The following VARS1 variants were observed in gnomAD, a reference collection of about 807,000 sequenced individuals.
VARS1 encodes the protein valyl-tRNA synthetase 1.
A neutral mutation model predicts 161.0 loss-of-function variants in VARS1; 92 were observed. The ratio of observed to expected loss-of-function variants is 0.57; its 90% CI spans 0.48 to 0.68. The LOEUF is 0.68. Among genes scored for constraint, VARS1 ranks in the 30% least tolerant of loss-of-function variants. VARS1 has a pLI of 0.00. For missense variants in VARS1, 1,338 were observed against 1,695.9 expected, an observed-to-expected ratio of 0.79 and a Z score of 3.71; for synonymous variants, 595 against 682.5, an observed-to-expected ratio of 0.87 and a Z score of 2.00.
At chr6:31,792,964 T>G in intron 3 of VARS1, 22 bp downstream of exon 3, 1 of 1,614,050 alleles carries the variant, frequency 6.2e-7, no homozygotes, top group Non-Finnish European at 8.5e-7. Context: ...AGTCTTGTTC[T>G]TCCCCAGGCC....
In VARS1 at chr6:31,781,350, C is replaced by T. The variant is rs1813129637; in HGVS notation, c.2544+131G>A. ...AGCAGGGCCCAGGCTGGATTTCAAC[C>T]CCACACCAGCCCCCGGGTCAGGCCT... On this transcript the variant is annotated intron_variant, in intron 21 of 29. Transcript: ENST00000375663. This position sits in a 1 kb window ranked among gnomAD's most constrained non-coding sequence, Gnocchi z 6.8. 7.1e-7 allele frequency: 1 copy of T among 1,417,536 alleles called. No homozygotes were observed. Among genetic ancestry groups the T allele is most frequent in the South Asian group, 1.4e-5 (1 of 73,046 alleles). 87.8% of individuals were successfully genotyped at this position (1,417,536 alleles called of 1,614,324 possible). A position where few individuals can be genotyped will look rare whatever the true frequency, so the allele number is the denominator to read the frequency against.
At position 31,782,133 on chromosome 6, in the gene VARS1, G is replaced by T. The variant is rs573053563; in HGVS notation, c.2195C>A (p.Pro732Gln). Residue 732 changes from proline to glutamine, a missense_variant, in exon 18 of 30, where the codon CCA becomes CAA. Pro to Gln is a moderately conservative substitution (Grantham distance 76). Coordinates refer to ENST00000375663, the MANE Select transcript of VARS1 (RefSeq NM_006295.3). This position sits in a 1 kb window ranked among gnomAD's most constrained non-coding sequence, Gnocchi z 8.3. ...GTCACTGACAGTGACAAAGTAGGCTGGGATGCGATGGCCCCACCACAGCTG... is the reference window on the plus strand; with the variant it reads ...GTCACTGACAGTGACAAAGTAGGCTTGGATGCGATGGCCCCACCACAGCTG... ...SRQLWWGHRI[P>Q]AYFVTVSDPA... 1 of 1,613,994 alleles carries T rather than the reference G, an allele frequency of 6.2e-7. No homozygotes were observed. Among genetic ancestry groups the T allele is most frequent in the South Asian group, 1.1e-5 (1 of 91,082 alleles).
chr6:31,779,732 A>G lies in VARS1; in HGVS notation c.3164T>C (p.Val1055Ala). Residue 1055 changes from valine to alanine, a missense_variant, in exon 27 of 30, where the codon GTT (valine) becomes GCT (alanine). By Grantham distance (64) the Val-to-Ala change is moderately conservative. Around this residue, in one of 3 missense-constraint regions of VARS1, gnomAD observed 433 missense variants for 586.2 expected, o/e 0.74. Transcript: ENST00000375663. The surrounding 1 kb of genome is among the most constrained non-coding windows in gnomAD (Gnocchi z 9.1). The stretch of plus-strand genomic sequence containing the variant: ...GAAGGGTGAGAGCAGCCGCAGGCCA[A>G]CGTCCAGGCAAGTGTACAGGGTCTG... The part of the protein sequence containing the change: ...ARQTLYTCLD[V>A]GLRLLSPFMP... The G allele has an allele frequency of 1.2e-6, 2 of 1,613,026 alleles. No individual in the cohort carries two copies. The highest frequency in any genetic ancestry group is 1.7e-6 in the Non-Finnish European group (2 of 1,180,008).
At position 31,791,507 on chromosome 6, in the gene VARS1, T is replaced by C. The variant is rs1323884433; in HGVS notation, c.1100+103A>G. On this transcript the variant is annotated intron_variant, in intron 8 of 29. Coordinates refer to ENST00000375663, the MANE Select transcript of VARS1 (RefSeq NM_006295.3). The surrounding 1 kb of genome is among the most constrained non-coding windows in gnomAD (Gnocchi z 5.0). ...AGTGTAGCACCACTGGGGGCAGAAGTGAGCACCAACCCAGAAGGAGAGAGG... is the reference window on the plus strand; with the variant it reads ...AGTGTAGCACCACTGGGGGCAGAAGCGAGCACCAACCCAGAAGGAGAGAGG... The C allele has an allele frequency of 1.2e-5, 18 of 1,469,800 alleles. No homozygotes were observed. The highest frequency in any genetic ancestry group is 2.5e-5 in the Admixed American group (1 of 40,254). The allele number at this position is 1,469,800 out of a possible 1,614,324, so 91.0% of individuals were successfully genotyped here. A position where few individuals can be genotyped will look rare whatever the true frequency, so the allele number is the denominator to read the frequency against.
Position 31,781,553 on chromosome 6 carries a change from G to A in VARS1, c.2472C>T (p.Asp824=), listed in dbSNP as rs775349950. 1 of 1,613,020 alleles carries A rather than the reference G, an allele frequency of 6.2e-7. No homozygotes were observed. The highest frequency in any genetic ancestry group is 1.1e-5 in the South Asian group (1 of 91,080). The change falls in exon 21 of 30, where the codon GAC becomes GAT. Residue 824 remains aspartate, a synonymous_variant. Coordinates refer to ENST00000375663, the MANE Select transcript of VARS1 (RefSeq NM_006295.3). The surrounding 1 kb of genome is among the most constrained non-coding windows in gnomAD (Gnocchi z 6.8). ...YPGTLLETGH[D]ILFFWVARMV... ...TCCGGGCCACCCAGAAGAAGAGGAT[G>A]TCATGACCGGTCTCCAGCAGTGTCC...
Position 31,779,876 on chromosome 6 carries a change from T to G in VARS1, c.3082-62A>C, listed in dbSNP as rs1813017734. 6.2e-7 allele frequency: 1 copy of G among 1,604,180 alleles called. No homozygotes were observed. The highest frequency in any genetic ancestry group is 1.7e-5 in the Admixed American group (1 of 59,516). On this transcript the variant is annotated intron_variant, in intron 26 of 29. Coordinates refer to ENST00000375663, the MANE Select transcript of VARS1 (RefSeq NM_006295.3). The surrounding 1 kb of genome is among the most constrained non-coding windows in gnomAD (Gnocchi z 9.1). ...TCTAGCCTTGAGCCCTCGCTGTGCC[T>G]GTGAGGACTGGGAAGGGGATGGGTT... is the stretch of plus-strand genomic sequence containing the variant.
intron 8 of VARS1, among the ~76,000 whole-genome samples, chr6:31,790,349 C>A (rs1028582682): frequency 1.3e-5 from 2 of 151,910 alleles, no homozygotes; most frequent in African/African-American, 2.4e-5. Context: ...CGCCTGTAAT[C>A]CCAGCACTTT....
At position 31,781,259 on chromosome 6, in the gene VARS1, G is replaced by A. The variant is rs958442644; in HGVS notation, c.2545-136C>T. The A allele has an allele frequency of 4.2e-5, 50 of 1,183,420 alleles. No homozygotes were observed. Among genetic ancestry groups the A allele is most frequent in the Middle Eastern group, 2.3e-4 (1 of 4,370 alleles). 73.3% of individuals were successfully genotyped at this position (1,183,420 alleles called of 1,614,324 possible). On this transcript the variant is annotated intron_variant, in intron 21 of 29. Transcript: ENST00000375663. The surrounding 1 kb of genome is among the most constrained non-coding windows in gnomAD (Gnocchi z 6.8). ...GAGTGTCCCCAAGAGCTCGTTGAGC[G>A]CCTTTATGTGAATCAGAAGCACTCC...
At chr6:31,783,218 A>G (rs767168480) in intron 13 of VARS1, 32 bp from the exon 14 acceptor site, 43 of 1,605,192 alleles carry the variant, frequency 2.7e-5, no homozygotes, top group Non-Finnish European at 3.1e-5. Flanking sequence ...AAACGCATGA[A>G]GCAGGGCCAG....
In VARS1 at chr6:31,778,760, G is replaced by T; in HGVS notation, c.3726+207C>A. On this transcript the variant is annotated intron_variant, in intron 29 of 29. Transcript: ENST00000375663. The surrounding 1 kb of genome is among the most constrained non-coding windows in gnomAD (Gnocchi z 5.1). ...GGGCTCAAGTGATCCACCCACCTTGGCCTCCCAAATTTCTGGGATTACAGG... is the reference window on the plus strand; with the variant it reads ...GGGCTCAAGTGATCCACCCACCTTGTCCTCCCAAATTTCTGGGATTACAGG... 1 of 665,682 alleles carries T rather than the reference G, an allele frequency of 1.5e-6. No homozygotes were observed. Among genetic ancestry groups the T allele is most frequent in the Non-Finnish European group, 2.5e-6 (1 of 401,442 alleles). 41.2% of individuals were successfully genotyped at this position (665,682 alleles called of 1,614,324 possible). A position where few individuals can be genotyped will look rare whatever the true frequency, so the allele number is the denominator to read the frequency against.
rs1813870913 is a variant in VARS1, at chr6:31,791,599, T to C, written c.1100+11A>G. ...AGAGGGAACCAGAGGAAGGTGCAGATAGAAGCTCACCATCGAGTCAGGGAG... is the reference window on the plus strand; with the variant it reads ...AGAGGGAACCAGAGGAAGGTGCAGACAGAAGCTCACCATCGAGTCAGGGAG... On this transcript the variant is annotated intron_variant, in intron 8 of 29. Coordinates refer to ENST00000375663, the MANE Select transcript of VARS1 (RefSeq NM_006295.3). This position sits in a 1 kb window ranked among gnomAD's most constrained non-coding sequence, Gnocchi z 5.0. 1.9e-6 allele frequency: 3 copies of C among 1,605,016 alleles called. No individual in the cohort carries two copies. Among genetic ancestry groups the C allele is most frequent in the East Asian group, 2.2e-5 (1 of 44,854 alleles).
At position 31,795,183 on chromosome 6, in the gene VARS1, G is replaced by A; in HGVS notation, c.35C>T (p.Ala12Val). The A allele has an allele frequency of 6.8e-7, 1 of 1,474,148 alleles. No homozygotes were observed. Among genetic ancestry groups the A allele is most frequent in the Non-Finnish European group, 9.0e-7 (1 of 1,113,862 alleles). 91.3% of individuals were successfully genotyped at this position (1,474,148 alleles called of 1,614,324 possible). Residue 12 changes from alanine to valine, a missense_variant, in exon 2 of 30, where the codon GCC (alanine) becomes GTC (valine). Physicochemically the swap from Ala to Val is moderately conservative, Grantham distance 64. Transcript: ENST00000375663. This position sits in a 1 kb window ranked among gnomAD's most constrained non-coding sequence, Gnocchi z 6.9. The part of the protein sequence containing the change: ...STLYVSPHPD[A>V]FPSLRALIAA... Reference sequence around the variant, plus strand: ...TATGAGGGCTCGGAGGCTGGGGAAGGCATCTGGGTGAGGGGAGACGTAGAG... The same window carrying A: ...TATGAGGGCTCGGAGGCTGGGGAAGACATCTGGGTGAGGGGAGACGTAGAG...
chr6:31,783,248 T>C, intron 13 of VARS1, 62 bp from the exon 14 acceptor site: 3 of 1,553,190 alleles, frequency 1.9e-6, no homozygotes, highest in Non-Finnish European at 2.6e-6. Flanking sequence ...TTCCCACCTG[T>C]AATCCCAGAA....
Position 31,794,916 on chromosome 6 carries a change from C to G in VARS1, c.302G>C (p.Ser101Thr), listed in dbSNP as rs1814158546. Residue 101 changes from serine to threonine, a missense_variant, in exon 2 of 30, where the codon AGT (serine) becomes ACT (threonine). Physicochemically the swap from Ser to Thr is moderately conservative, Grantham distance 58. Around this residue, in one of 3 missense-constraint regions of VARS1, gnomAD observed 902 missense variants for 1,090.3 expected, o/e 0.83. Coordinates refer to ENST00000375663, the MANE Select transcript of VARS1 (RefSeq NM_006295.3). ...RAAVLVQQWV[S>T]YADTELIPAA... ...TGGTATTAACTCCGTGTCGGCGTAA[C>G]TGACCCACTGTTGGACAAGGACAGC... 4 of 1,612,806 alleles carry G rather than the reference C, an allele frequency of 2.5e-6. No individual in the cohort carries two copies. The highest frequency in any genetic ancestry group is 1.7e-5 in the Admixed American group (1 of 60,000).
In VARS1 at chr6:31,791,677, TG is replaced by T; in HGVS notation, c.1032del (p.Asn345MetfsTer2). On this transcript the variant is annotated frameshift_variant, in exon 8 of 30. Transcript: ENST00000375663. LOFTEE classifies it high-confidence loss of function. This position sits in a 1 kb window ranked among gnomAD's most constrained non-coding sequence, Gnocchi z 5.0. ...CCCAGGTGCAGGGAGCCTGTCACAT[TG>T]GGGGGTGGGATGCACATCATGAAGA... ...RGVFMMCIPP[P>X]NVTGSLHLGH... is the part of the protein sequence containing the mutation. 6.2e-7 allele frequency: 1 copy of T among 1,612,900 alleles called. No individual in the cohort carries two copies. The highest frequency in any genetic ancestry group is 1.1e-5 in the South Asian group (1 of 91,076).
chr6:31,783,276 G>A lies in VARS1; in HGVS notation c.1672-90C>T, dbSNP rs915419942. 4 of 1,381,562 alleles carry A rather than the reference G, an allele frequency of 2.9e-6. 1 individual carries two copies. The highest frequency in any genetic ancestry group is 2.9e-5 in the African/African-American group (2 of 68,274). 85.6% of individuals were successfully genotyped at this position (1,381,562 alleles called of 1,614,324 possible). ...TCCCAGAACTTTGGGAGGCTGAGGT[G>A]GGCAGATCACTTGAGGCCGGGAGTT... On this transcript the variant is annotated intron_variant, in intron 13 of 29. Transcript: ENST00000375663.
Position 31,790,414 on chromosome 6 carries a change from C to T in VARS1, c.1100+1196G>A, listed in dbSNP as rs1403384112. On this transcript the variant is annotated intron_variant, in intron 8 of 29. Transcript: ENST00000375663. ...GTCAGGAGTTTGAGACCAGCCTGGC[C>T]AACATGGTGAAACCCCATCTCTACT... Among the ~76,000 whole-genome samples, 8 of 151,738 alleles carry T rather than the reference C, an allele frequency of 5.3e-5. No individual in the cohort carries two copies. In the South Asian group the frequency reaches 1.0e-3, roughly 20 times the overall value.
chr6:31,785,218 C>T lies in VARS1; in HGVS notation c.1347+28G>A. The T allele has an allele frequency of 6.2e-7, 1 of 1,612,868 alleles. No homozygotes were observed. The highest frequency in any genetic ancestry group is 8.5e-7 in the Non-Finnish European group (1 of 1,179,870). Reference sequence around the variant, plus strand: ...CACCCTGGGGAGACTCCTACTCCTGCCCCAGCTTTGACACTCCTCCCACGC... The same window carrying T: ...CACCCTGGGGAGACTCCTACTCCTGTCCCAGCTTTGACACTCCTCCCACGC... On this transcript the variant is annotated intron_variant, in intron 10 of 29. Transcript: ENST00000375663. The surrounding 1 kb of genome is among the most constrained non-coding windows in gnomAD (Gnocchi z 6.1).
Position 31,785,358 on chromosome 6 carries a change from G to C in VARS1, c.1266-31C>G, listed in dbSNP as rs549706373. 4 of 1,611,762 alleles carry C rather than the reference G, an allele frequency of 2.5e-6. No homozygotes were observed. The highest frequency in any genetic ancestry group is 3.4e-6 in the Non-Finnish European group (4 of 1,179,148). ...AGCAGACAGGCTGAGGTCAGCACTC[G>C]TGCCTGGGCTAGAGGGAGACATCAG... On this transcript the variant is annotated intron_variant, in intron 9 of 29. Transcript: ENST00000375663. The surrounding 1 kb of genome is among the most constrained non-coding windows in gnomAD (Gnocchi z 6.1).
Sources: gnomAD v4.1 joint callset for allele counts (sites outside exome capture counted in the v4.1 genomes callset) on GRCh38, gnomAD v4.1.1 for gene constraint, gnomAD v4.1.1 regional missense constraint, Gnocchi (gnomAD v3.1) non-coding constraint, MANE v1.5 for transcripts, NCBI Gene and HGNC (gene_info 2026-07-23, HGNC 2026-07-21) for gene names.